Variants in LTC4S observed in about 807,000 individuals in gnomAD.
LTC4S encodes the protein LTC4 synthase.
In LTC4S, 18 loss-of-function variants were observed where a neutral mutation model predicts 19.6. That is an observed-to-expected ratio of 0.92 (90% CI 0.64 to 1.36). The LOEUF (loss-of-function observed/expected upper bound fraction) is 1.36. LTC4S is among the 40% of genes most tolerant of loss of function. The pLI is 0.00. For synonymous variants in LTC4S, 126 were observed against 110.1 expected (o/e 1.14, Z -0.91); for missense variants, 235 against 212.2 (o/e 1.11, Z -0.67).
rs1320759349 is a variant in LTC4S at position 179,796,614 on chromosome 5, T to TG, written c.*222dup. On this transcript the variant is annotated 3_prime_UTR_variant, in exon 5 of 5. Coordinates refer to ENST00000292596, the MANE Select transcript of LTC4S (RefSeq NM_145867.2). ...GGGCAGCCCGGGGCGGGCTTCCTAGTGGCGGCGTGAGAGTGGCTGCGAAGG... is the reference window on the plus strand; with the variant it reads ...GGGCAGCCCGGGGCGGGCTTCCTAGTGGGCGGCGTGAGAGTGGCTGCGAAGG... 1.7e-6 allele frequency: 1 copy of TG among 583,788 alleles called. No individual in the cohort carries two copies. The highest frequency in any genetic ancestry group is 2.0e-5 in the African/African-American group (1 of 50,600). 36.2% of individuals were successfully genotyped at this position (583,788 alleles called of 1,614,324 possible).
chr5:179,795,948 G>A lies in LTC4S; in HGVS notation c.237G>A (p.Ala79=), dbSNP rs771229196. 14 of 1,556,414 alleles carry A rather than the reference G, an allele frequency of 9.0e-6. No homozygotes were observed. The highest frequency in any genetic ancestry group is 2.0e-4 in the Middle Eastern group (1 of 5,066). ...CGTGCGTACCTCTCGCAGGGGCGGC[G>A]GCCCTGTGCGGCCTGGTCTACCTGT... The part of the protein sequence containing the change: ...VAGIFFHEGA[A]ALCGLVYLFA... Residue 79 remains alanine (A), a synonymous_variant, in exon 4 of 5, where the codon GCG becomes GCA. Transcript: ENST00000292596.
chr5:179,795,777 C>A lies in LTC4S; in HGVS notation c.159-9C>A. Reference sequence around the variant, plus strand: ...CGGCCGGCGCGCTCATCCCACCCGCCCACCGCAGGGTGAACTGCAGCGAGT... The same window carrying A: ...CGGCCGGCGCGCTCATCCCACCCGCACACCGCAGGGTGAACTGCAGCGAGT... On this transcript the variant is annotated splice_polypyrimidine_tract_variant and intron_variant, in intron 2 of 4. Coordinates refer to ENST00000292596, the MANE Select transcript of LTC4S (RefSeq NM_145867.2). 1 of 1,593,064 alleles carries A rather than the reference C, an allele frequency of 6.3e-7. No homozygotes were observed. Among genetic ancestry groups the A allele is most frequent in the East Asian group, 2.3e-5 (1 of 44,370 alleles).
In LTC4S at chr5:179,796,405, C is replaced by T; in HGVS notation, c.*11C>T. ...CTGCCGTGGGCCTGAGACCAAGGCC[C>T]CCGGGCCGACGGAGCCGGGAAAGAA... On this transcript the variant is annotated 3_prime_UTR_variant, in exon 5 of 5. Coordinates refer to ENST00000292596, the MANE Select transcript of LTC4S (RefSeq NM_145867.2). 1 of 1,481,754 alleles carries T rather than the reference C, an allele frequency of 6.7e-7. No individual in the cohort carries two copies. The highest frequency in any genetic ancestry group is 8.9e-7 in the Non-Finnish European group (1 of 1,122,326). The allele number at this position is 1,481,754 out of a possible 1,614,324, so 91.8% of individuals were successfully genotyped here.
Position 179,796,471 on chromosome 5 carries a change from TC to T in LTC4S, c.*79del. The T allele has an allele frequency of 7.1e-7, 1 of 1,404,886 alleles. No individual in the cohort carries two copies. Among genetic ancestry groups the T allele is most frequent in the East Asian group, 3.0e-5 (1 of 32,822 alleles). The allele number at this position is 1,404,886 out of a possible 1,614,324, so 87.0% of individuals were successfully genotyped here. On this transcript the variant is annotated 3_prime_UTR_variant, in exon 5 of 5. Transcript: ENST00000292596. Reference sequence around the variant, plus strand: ...GCTGCCCCGGGGAGGGGCGCTCGCTTCCGCATCCTAGTCTCTATCATTAAAG... The same window carrying T: ...GCTGCCCCGGGGAGGGGCGCTCGCTTCGCATCCTAGTCTCTATCATTAAAG...
chr5:179,795,764 T>C (rs1365904271), intron 2 of LTC4S, 22 bp from the exon 3 acceptor site: 1 of 1,581,492 alleles, frequency 6.3e-7, no homozygotes, highest in Non-Finnish European at 8.6e-7. Context: ...GCCGGCGCGC[T>C]CATCCCACCC....
rs1283174107 is a variant in LTC4S, at chr5:179,796,000, T to C, written c.289T>C (p.Tyr97His). ...LFARLRYFQG[Y>H]ARSAQLRLAP... ...CGCGCGCCTCCGCTACTTCCAGGGC[T>C]ACGCGCGCTCCGCGCAGCTCAGGTG... The change falls in exon 4 of 5, where the codon TAC becomes CAC. Residue 97 changes from tyrosine (Y) to histidine (H), a missense_variant. Tyr to His is a moderately conservative substitution (Grantham distance 83, BLOSUM62 2). Coordinates refer to ENST00000292596, the MANE Select transcript of LTC4S (RefSeq NM_145867.2). 3.3e-6 allele frequency: 5 copies of C among 1,531,700 alleles called. No homozygotes were observed. The highest frequency in any genetic ancestry group is 3.5e-6 in the Non-Finnish European group (4 of 1,145,416). 94.9% of individuals were successfully genotyped at this position (1,531,700 alleles called of 1,614,324 possible).
At position 179,796,509 on chromosome 5, in the gene LTC4S, G is replaced by A. The variant is rs960753126; in HGVS notation, c.*115G>A. The A allele has an allele frequency of 1.5e-5, 20 of 1,316,672 alleles. No homozygotes were observed. In the African/African-American group the frequency reaches 2.2e-4, roughly 14 times the overall value. The allele number at this position is 1,316,672 out of a possible 1,614,324, so 81.6% of individuals were successfully genotyped here. On this transcript the variant is annotated 3_prime_UTR_variant, in exon 5 of 5. Coordinates refer to ENST00000292596, the MANE Select transcript of LTC4S (RefSeq NM_145867.2). ...CTCTATCATTAAAGTTCTAGTGACC[G>A]AGACCCGGGCTGCGTTCTCTGGGTC...
At position 179,796,437 on chromosome 5, in the gene LTC4S, G is replaced by T; in HGVS notation, c.*43G>T. 1 of 1,463,776 alleles carries T rather than the reference G, an allele frequency of 6.8e-7. No homozygotes were observed. The highest frequency in any genetic ancestry group is 9.0e-7 in the Non-Finnish European group (1 of 1,112,320). The allele number at this position is 1,463,776 out of a possible 1,614,324, so 90.7% of individuals were successfully genotyped here. On this transcript the variant is annotated 3_prime_UTR_variant, in exon 5 of 5. Transcript: ENST00000292596. The stretch of plus-strand genomic sequence containing the variant: ...CGACGGAGCCGGGAAAGAAGAGCCG[G>T]AGCCTCCAGCTGCCCCGGGGAGGGG...
rs1756641146 is a variant in LTC4S at position 179,796,602 on chromosome 5, C to T, written c.*208C>T. 1 of 686,914 alleles carries T rather than the reference C, an allele frequency of 1.5e-6. No homozygotes were observed. Among genetic ancestry groups the T allele is most frequent in the Non-Finnish European group, 2.1e-6 (1 of 475,664 alleles). The allele number at this position is 686,914 out of a possible 1,614,324, so 42.6% of individuals were successfully genotyped here. On this transcript the variant is annotated 3_prime_UTR_variant, in exon 5 of 5. Coordinates refer to ENST00000292596, the MANE Select transcript of LTC4S (RefSeq NM_145867.2). ...CAGCCCGAGTCCGGGCAGCCCGGGGCGGGCTTCCTAGTGGCGGCGTGAGAG... is the reference window on the plus strand; with the variant it reads ...CAGCCCGAGTCCGGGCAGCCCGGGGTGGGCTTCCTAGTGGCGGCGTGAGAG...
chr5:179,794,264 G>A (rs1035170872), intron 1 of LTC4S, 126 bp downstream of exon 1: 3 of 1,222,636 alleles, frequency 2.5e-6, no homozygotes, highest in African/African-American at 3.0e-5. Flanking sequence ...AAGAGGGTGG[G>A]GACTTTCAGG....
chr5:179,795,931 CCTCT>C lies in LTC4S; in HGVS notation c.230-8_230-5del, dbSNP rs1562598887. 1.3e-6 allele frequency: 2 copies of C among 1,573,352 alleles called. No homozygotes were observed. The highest frequency in any genetic ancestry group is 1.7e-6 in the Non-Finnish European group (2 of 1,164,490). On this transcript the variant is annotated splice_polypyrimidine_tract_variant and splice_region_variant and intron_variant, in intron 3 of 4. Transcript: ENST00000292596. ...AGGGCGCTCACCAGGCCCGTGCGTACCTCTCGCAGGGGCGGCGGCCCTGTGCGGC... is the reference window on the plus strand; with the variant it reads ...AGGGCGCTCACCAGGCCCGTGCGTACCGCAGGGGCGGCGGCCCTGTGCGGC...
chr5:179,795,040 G>C (rs58826518), intron 1 of LTC4S, among the ~76,000 whole-genome samples: 1 of 152,154 alleles, frequency 6.6e-6, no homozygotes, highest in Non-Finnish European at 1.5e-5. Context: ...AGGTTTGGAG[G>C]CACAGGGACG....
chr5:179,795,720 GC>G, intron 2 of LTC4S, 37 bp downstream of exon 2: 1 of 1,567,412 alleles, frequency 6.4e-7, no homozygotes. Context: ...CGGGGAGCGA[GC>G]CCCAGGCGGG....
In LTC4S at chr5:179,795,960, C is replaced by T. The variant is rs1265999445; in HGVS notation, c.249C>T (p.Gly83=). 1.3e-6 allele frequency: 2 copies of T among 1,551,066 alleles called. No individual in the cohort carries two copies. Among genetic ancestry groups the T allele is most frequent in the East Asian group, 4.7e-5 (2 of 42,124 alleles). Residue 83 remains glycine (G), a synonymous_variant, in exon 4 of 5, where the codon GGC becomes GGT. Coordinates refer to ENST00000292596, the MANE Select transcript of LTC4S (RefSeq NM_145867.2). ...FFHEGAAALC[G]LVYLFARLRY... is the part of the protein sequence containing the mutation. ...TCGCAGGGGCGGCGGCCCTGTGCGG[C>T]CTGGTCTACCTGTTCGCGCGCCTCC...
chr5:179,794,400 G>A (rs954037956), intron 1 of LTC4S, among the ~76,000 whole-genome samples: 1 of 152,154 alleles, frequency 6.6e-6, no homozygotes, highest in African/African-American at 2.4e-5. Flanking sequence ...TCCCCTCTCT[G>A]GGCGTCCCAG....
At chr5:179,794,177 A>AT (rs1419205940) in intron 1 of LTC4S, 39 bp downstream of exon 1, 1 of 1,611,828 alleles carries the variant, frequency 6.2e-7, no homozygotes, top group Non-Finnish European at 8.5e-7. Context: ...TGGGCCTTAG[A>AT]TCCCTACAGC....
At chr5:179,796,223 C>A in intron 4 of LTC4S, 30 bp from the exon 5 acceptor site, 1 of 1,426,446 alleles carries the variant, frequency 7.0e-7, no homozygotes. Context: ...GGCCTCCTCG[C>A]GCCACCTCCC....
chr5:179,796,407 C>CG lies in LTC4S; in HGVS notation c.*16dup. ...GCCGTGGGCCTGAGACCAAGGCCCC[C>CG]GGGCCGACGGAGCCGGGAAAGAAGA... On this transcript the variant is annotated 3_prime_UTR_variant, in exon 5 of 5. Transcript: ENST00000292596. 1 of 1,479,198 alleles carries CG rather than the reference C, an allele frequency of 6.8e-7. No individual in the cohort carries two copies. The highest frequency in any genetic ancestry group is 8.9e-7 in the Non-Finnish European group (1 of 1,120,988). The allele number at this position is 1,479,198 out of a possible 1,614,324, so 91.6% of individuals were successfully genotyped here.
intron 1 of LTC4S, 24 bp downstream of exon 1, chr5:179,794,162 G>T: frequency 1.2e-6 from 2 of 1,613,110 alleles, no homozygotes; most frequent in Non-Finnish European, 1.7e-6. Flanking sequence ...TATCTAGGAA[G>T]AGGGTGGGCC....
Sources: allele counts gnomAD v4.1 joint callset (sites outside exome capture counted in the v4.1 genomes callset), GRCh38; gene constraint gnomAD v4.1.1; transcripts MANE v1.5; gene names NCBI Gene and HGNC (gene_info 2026-07-23, HGNC 2026-07-21).